The following TMEM170B variants were observed in gnomAD, a reference collection of about 807,000 sequenced individuals.
The protein encoded by TMEM170B is transmembrane protein 170B.
Under a neutral mutation model 13.0 loss-of-function variants are expected in TMEM170B, and 6 were observed. That is an observed-to-expected ratio of 0.46 (90% CI 0.25 to 0.91). The LOEUF (loss-of-function observed/expected upper bound fraction) is 0.91. Ranked by LOEUF, TMEM170B falls within the 40% of genes least tolerant of loss-of-function variation. The probability of loss-of-function intolerance (pLI) is 0.17; values close to 1 mark genes in which losing one functional copy is unlikely to be tolerated. For synonymous variants in TMEM170B, 61 were observed against 64.9 expected (o/e 0.94, Z 0.29); for missense variants, 138 against 165.2 (o/e 0.84, Z 0.90).
chr6:11,545,264 T>TCTCTCTC, intron 1 of TMEM170B, among the ~76,000 whole-genome samples: 1 of 127,818 alleles, frequency 7.8e-6, no homozygotes, highest in Non-Finnish European at 1.8e-5. Flanking sequence ...GTTAAAAGGC[T>TCTCTCTC]TCTCTCTCTC....
rs145563145 is a variant in TMEM170B, at chr6:11,556,595, C to G, written c.98-9071C>G. ...CAGGAGGTGGGGCTTTGTCAGCATTCCTGCCTTTCTGAACCATGGTGGCCA... is the reference window on the plus strand; with the variant it reads ...CAGGAGGTGGGGCTTTGTCAGCATTGCTGCCTTTCTGAACCATGGTGGCCA... On this transcript the variant is annotated intron_variant, in intron 1 of 2. Transcript: ENST00000379426. 9.1e-4 allele frequency among the ~76,000 whole-genome samples: 138 copies of G among 152,218 alleles called. 1 individual carries two copies. Among genetic ancestry groups the G allele is most frequent in the Middle Eastern group, 3.4e-3 (1 of 294 alleles).
chr6:11,538,491 G>C, intron 1 of TMEM170B, 117 bp downstream of exon 1: 1 of 764,070 alleles, frequency 1.3e-6, no homozygotes, highest in Non-Finnish European at 2.0e-6. Flanking sequence ...CCCGCTCGGA[G>C]CTCCAGGTCC....
rs980730736 is a variant in TMEM170B, at chr6:11,580,919, G to T, written c.*5358G>T. 1 of 152,216 alleles carries T rather than the reference G, an allele frequency of 6.6e-6. No homozygotes were observed. Among genetic ancestry groups the T allele is most frequent in the Admixed American group, 6.5e-5 (1 of 15,282 alleles). 9.4% of individuals were successfully genotyped at this position (152,216 alleles called of 1,614,324 possible). A position where few individuals can be genotyped will look rare whatever the true frequency, so the allele number is the denominator to read the frequency against. ...TTTGAAATTGTATTGCATTTTGTGT[G>T]TGTGTGTGGTGACAGGTTTGCTCTT... On this transcript the variant is annotated 3_prime_UTR_variant, in exon 3 of 3. Transcript: ENST00000379426.
intron 2 of TMEM170B, 27 bp downstream of exon 2, chr6:11,565,863 A>T (rs762327999): frequency 6.2e-7 from 1 of 1,612,812 alleles, no homozygotes; most frequent in Admixed American, 1.7e-5. Flanking sequence ...TTGTCTGAGG[A>T]TGTAAGTTTG....
At chr6:11,554,514 G>A (rs905644120) in intron 1 of TMEM170B, among the ~76,000 whole-genome samples, 5 of 151,962 alleles carry the variant, frequency 3.3e-5, no homozygotes, top group Admixed American at 2.0e-4. Context: ...ACAGTGCTGT[G>A]GCTTAAATAT....
chr6:11,555,185 C>T (rs1190771989), intron 1 of TMEM170B, among the ~76,000 whole-genome samples: 3 of 151,192 alleles, frequency 2.0e-5, no homozygotes, highest in African/African-American at 7.3e-5. Context: ...TTTTTTTTCC[C>T]CTTTCAGTAT....
chr6:11,561,810 C>G (rs1164222141), intron 1 of TMEM170B, among the ~76,000 whole-genome samples: 2 of 152,048 alleles, frequency 1.3e-5, no homozygotes, highest in Middle Eastern at 3.2e-3. Context: ...CATTGGAAGA[C>G]CATTTGAAAT....
At chr6:11,541,748 C>T (rs903286134) in intron 1 of TMEM170B, among the ~76,000 whole-genome samples, 5 of 152,206 alleles carry the variant, frequency 3.3e-5, no homozygotes, top group Admixed American at 3.3e-4. Flanking sequence ...TAAGCTTTAT[C>T]ATCTCTAGCA....
Position 11,563,969 on chromosome 6 carries a change from T to TA in TMEM170B, c.98-1688dup, listed in dbSNP as rs201959507. Among the ~76,000 whole-genome samples, 80 of 151,354 alleles carry TA rather than the reference T, an allele frequency of 5.3e-4. 1 individual carries two copies. In the East Asian group the frequency reaches 7.9e-3, roughly 15 times the overall value. On this transcript the variant is annotated intron_variant, in intron 1 of 2. Transcript: ENST00000379426. ...TGGGTGATGGAGCAAGACTCTGCCT[T>TA]AAAAAAAAACAACAAAATCATATGG... is the stretch of plus-strand genomic sequence containing the variant.
intron 2 of TMEM170B, among the ~76,000 whole-genome samples, chr6:11,569,379 G>T (rs1010858054): frequency 2.0e-5 from 3 of 152,102 alleles, no homozygotes; most frequent in Admixed American, 2.0e-4. Context: ...CCATTCCATT[G>T]CCAAAAGATA....
intron 2 of TMEM170B, among the ~76,000 whole-genome samples, chr6:11,572,286 T>C (rs1363783651): frequency 6.6e-6 from 1 of 152,188 alleles, no homozygotes; most frequent in Non-Finnish European, 1.5e-5. Context: ...GGCCATAGAA[T>C]GGATAAATAA....
chr6:11,552,173 T>G (rs190389024), intron 1 of TMEM170B, among the ~76,000 whole-genome samples: 63 of 152,310 alleles, frequency 4.1e-4, no homozygotes, highest in African/African-American at 1.1e-3. Flanking sequence ...CACCCGATTT[T>G]TTTAAAATTA....
Position 11,575,306 on chromosome 6 carries a change from GATAAAATGAGAAAAAA to G in TMEM170B, c.269-122_269-107del. 2 of 1,319,670 alleles carry G rather than the reference GATAAAATGAGAAAAAA, an allele frequency of 1.5e-6. No individual in the cohort carries two copies. Among genetic ancestry groups the G allele is most frequent in the Non-Finnish European group, 2.1e-6 (2 of 961,742 alleles). 81.7% of individuals were successfully genotyped at this position (1,319,670 alleles called of 1,614,324 possible). Reference sequence around the variant, plus strand: ...CAGGGAAACTTTTTCATAGAAAGTGGATAAAATGAGAAAAAAATGATGACTTATGTTTTGATGAAAT... The same window carrying G: ...CAGGGAAACTTTTTCATAGAAAGTGGATGATGACTTATGTTTTGATGAAAT... On this transcript the variant is annotated intron_variant, in intron 2 of 2. Coordinates refer to ENST00000379426, the MANE Select transcript of TMEM170B (RefSeq NM_001100829.3). This position sits in a 1 kb window ranked among gnomAD's most constrained non-coding sequence, Gnocchi z 4.1.
chr6:11,545,659 A>G (rs985746262), intron 1 of TMEM170B, among the ~76,000 whole-genome samples: 3 of 152,040 alleles, frequency 2.0e-5, no homozygotes, highest in Admixed American at 6.6e-5. Flanking sequence ...ATAATACTTG[A>G]TAACAACTGT....
rs942789456 is a variant in TMEM170B, at chr6:11,576,273, G to C, written c.*712G>C. On this transcript the variant is annotated 3_prime_UTR_variant, in exon 3 of 3. Coordinates refer to ENST00000379426, the MANE Select transcript of TMEM170B (RefSeq NM_001100829.3). ...CAACTTAAGTAACACCCTTTTAATAGCTTCTCTCATGCATCCATATTCTGT... is the reference window on the plus strand; with the variant it reads ...CAACTTAAGTAACACCCTTTTAATACCTTCTCTCATGCATCCATATTCTGT... The C allele has an allele frequency of 6.6e-6, 1 of 152,094 alleles. No homozygotes were observed. The highest frequency in any genetic ancestry group is 2.4e-5 in the African/African-American group (1 of 41,422). 9.4% of individuals were successfully genotyped at this position (152,094 alleles called of 1,614,324 possible). A position where few individuals can be genotyped will look rare whatever the true frequency, so the allele number is the denominator to read the frequency against.
intron 1 of TMEM170B, among the ~76,000 whole-genome samples, chr6:11,563,486 A>C (rs1759696928): frequency 6.6e-6 from 1 of 152,180 alleles, no homozygotes; most frequent in Admixed American, 6.5e-5. Context: ...CCCGCAGGTT[A>C]AAGGCACAGT....
At chr6:11,566,911 C>G (rs1446732424) in intron 2 of TMEM170B, among the ~76,000 whole-genome samples, 2 of 152,232 alleles carry the variant, frequency 1.3e-5, no homozygotes, top group African/African-American at 4.8e-5. Context: ...CATACTCCAC[C>G]ATTTTGTTTT....
At chr6:11,568,701 G>C (rs1582146012) in intron 2 of TMEM170B, among the ~76,000 whole-genome samples, 1 of 152,088 alleles carries the variant, frequency 6.6e-6, no homozygotes, top group Admixed American at 6.5e-5. Context: ...TATCTGACCT[G>C]CAAACAGGTG....
chr6:11,552,952 G>C lies in TMEM170B; in HGVS notation c.98-12714G>C, dbSNP rs1177473095. Among the ~76,000 whole-genome samples, 5 of 152,282 alleles carry C rather than the reference G, an allele frequency of 3.3e-5. No homozygotes were observed. The East Asian group carries it at 7.7e-4, about 23-fold the overall frequency. On this transcript the variant is annotated intron_variant, in intron 1 of 2. Transcript: ENST00000379426. Reference sequence around the variant, plus strand: ...TAAATCAGTAAGGGGTGGTCTGATAGCTCCTATTGTCAGGGAGTTTAGAGC... The same window carrying C: ...TAAATCAGTAAGGGGTGGTCTGATACCTCCTATTGTCAGGGAGTTTAGAGC...
Sources: gnomAD v4.1 joint callset for allele counts (sites outside exome capture counted in the v4.1 genomes callset) on GRCh38, gnomAD v4.1.1 for gene constraint, Gnocchi (gnomAD v3.1) non-coding constraint, MANE v1.5 for transcripts, NCBI Gene and HGNC (gene_info 2026-07-23, HGNC 2026-07-21) for gene names.